GALNTL6: variants seen among roughly 807,000 people sequenced by gnomAD.
GALNTL6 encodes polypeptide N-acetylgalactosaminyltransferase like 6, also known as polypeptide N-acetylgalactosaminyltransferase-like 6.
GALNTL6 carries 46 observed loss-of-function variants against 73.7 expected under a neutral mutation model. The ratio of observed to expected loss-of-function variants is 0.62; its 90% confidence interval spans 0.49 to 0.80. The LOEUF is 0.80. Among genes scored for constraint, GALNTL6 ranks in the 30% least tolerant of loss-of-function variants. GALNTL6 has a pLI of 0.00. For synonymous variants in GALNTL6, 259 were observed against 263.7 expected (o/e 0.98, Z 0.17); for missense variants, 604 against 755.0 (o/e 0.80, Z 2.34).
intron 4 of GALNTL6, among the ~76,000 whole-genome samples, chr4:172,334,061 C>T (rs991249867): frequency 1.3e-5 from 2 of 152,106 alleles, no homozygotes; most frequent in Non-Finnish European, 2.9e-5. Flanking sequence ...TATTTTTATA[C>T]CAATACCAGT....
At chr4:172,999,767 T>TTA (rs35127229) in intron 10 of GALNTL6, among the ~76,000 whole-genome samples, 5 of 148,002 alleles carry the variant, frequency 3.4e-5, no homozygotes, top group African/African-American at 1.2e-4. Flanking sequence ...TGAATACATA[T>TTA]TATATATATA....
chr4:172,892,460 T>C (rs924886435), intron 8 of GALNTL6, among the ~76,000 whole-genome samples: 1 of 152,122 alleles, frequency 6.6e-6, no homozygotes, highest in Non-Finnish European at 1.5e-5. Context: ...TCACAGGTGT[T>C]GGGTGTTGAA....
At chr4:172,558,651 G>A (rs891573473) in intron 5 of GALNTL6, among the ~76,000 whole-genome samples, 1 of 152,110 alleles carries the variant, frequency 6.6e-6, no homozygotes, top group Non-Finnish European at 1.5e-5. Context: ...TTAAGCCACC[G>A]AGTCTGTGCT....
intron 3 of GALNTL6, among the ~76,000 whole-genome samples, chr4:172,270,729 T>TGATAGATAGATA (rs34612752): frequency 1.7e-4 from 26 of 151,700 alleles, no homozygotes; most frequent in East Asian, 5.9e-4. Context: ...GGTAGGTAGA[T>TGATAGATAGATA]GATAGATAGA....
At position 172,091,472 on chromosome 4, in the gene GALNTL6, T is replaced by C. The variant is rs184185578; in HGVS notation, c.139-138184T>C. Among the ~76,000 whole-genome samples, 311 of 152,252 alleles carry C rather than the reference T, an allele frequency of 2.0e-3. 1 individual carries two copies. Among genetic ancestry groups the C allele is most frequent in the African/African-American group, 7.0e-3 (291 of 41,566 alleles). ...CAGGAAGTGACATTCTTTACCCAAC[T>C]CTAAGACAACCATGTGAGTCATACA... On this transcript the variant is annotated intron_variant, in intron 2 of 12. Coordinates refer to ENST00000506823, the MANE Select transcript of GALNTL6 (RefSeq NM_001034845.3).
At chr4:172,141,577 C>T (rs921279476) in intron 2 of GALNTL6, among the ~76,000 whole-genome samples, 4 of 151,692 alleles carry the variant, frequency 2.6e-5, no homozygotes, top group African/African-American at 7.3e-5. Flanking sequence ...TAAGAATACT[C>T]CTTATTTTAA....
chr4:172,260,263 G>GATTTCT (rs1192238703), intron 3 of GALNTL6, among the ~76,000 whole-genome samples: 1 of 151,566 alleles, frequency 6.6e-6, no homozygotes, highest in African/African-American at 2.4e-5. Context: ...TGTCATCTGT[G>GATTTCT]ATTTCTTTCA....
At chr4:172,015,168 T>G (rs1228061012) in intron 2 of GALNTL6, among the ~76,000 whole-genome samples, 2 of 152,126 alleles carry the variant, frequency 1.3e-5, no homozygotes, top group Non-Finnish European at 2.9e-5. Flanking sequence ...TCCTCCACTA[T>G]TATTGTGGTG....
chr4:172,735,898 C>T lies in GALNTL6; in HGVS notation c.554-73463C>T, dbSNP rs948164375. On this transcript the variant is annotated intron_variant, in intron 5 of 12. Coordinates refer to ENST00000506823, the MANE Select transcript of GALNTL6 (RefSeq NM_001034845.3). ...GGTCTCCAGGGGTGACATCACATGT[C>T]GGCAGGTTCCGTGATGCCCCTTGAG... Among the ~76,000 whole-genome samples the T allele has an allele frequency of 2.2e-4, 33 of 152,080 alleles. 1 individual carries two copies. The highest frequency in any genetic ancestry group is 3.4e-4 in the Non-Finnish European group (23 of 68,022).
intron 5 of GALNTL6, among the ~76,000 whole-genome samples, chr4:172,635,875 T>C (rs757943096): frequency 1.2e-4 from 19 of 152,232 alleles, no homozygotes; most frequent in Non-Finnish European, 1.3e-4. Flanking sequence ...CATATTTGGC[T>C]TCATCCACTA....
intron 5 of GALNTL6, among the ~76,000 whole-genome samples, chr4:172,555,806 C>A (rs1019288232): frequency 2.0e-5 from 3 of 151,990 alleles, no homozygotes; most frequent in Non-Finnish European, 4.4e-5. Context: ...GTAACTCTTT[C>A]TACATTAGTG....
intron 5 of GALNTL6, among the ~76,000 whole-genome samples, chr4:172,442,912 GC>G (rs1554024585): frequency 6.6e-6 from 1 of 151,722 alleles, no homozygotes; most frequent in Non-Finnish European, 1.5e-5. Flanking sequence ...TCACAAGGAA[GC>G]TTTGCAAGCT....
intron 3 of GALNTL6, among the ~76,000 whole-genome samples, chr4:172,251,085 G>A (rs1226018078): frequency 1.3e-5 from 2 of 152,126 alleles, no homozygotes; most frequent in African/African-American, 4.8e-5. Context: ...TATATGGAGA[G>A]ATTTATTGTA....
At chr4:172,000,109 AAAC>A (rs1162043663) in intron 2 of GALNTL6, among the ~76,000 whole-genome samples, 1 of 152,180 alleles carries the variant, frequency 6.6e-6, no homozygotes, top group Admixed American at 6.6e-5. Flanking sequence ...AGAAAACATG[AAAC>A]AATATTCAGT....
intron 5 of GALNTL6, among the ~76,000 whole-genome samples, chr4:172,470,900 C>G (rs1733022264): frequency 6.6e-6 from 1 of 152,140 alleles, no homozygotes; most frequent in Non-Finnish European, 1.5e-5. Context: ...AGAAGGTCCC[C>G]TGGGATCCTC....
chr4:172,646,169 T>A (rs1157271592), intron 5 of GALNTL6, among the ~76,000 whole-genome samples: 1 of 152,044 alleles, frequency 6.6e-6, no homozygotes, highest in East Asian at 1.9e-4. Context: ...TTCTAAAAGA[T>A]TGTCAGGTCC....
rs115982202 is a variant in GALNTL6, at chr4:172,400,755, C to T, written c.553+52066C>T. Among the ~76,000 whole-genome samples the T allele has an allele frequency of 8.0e-3, 1,217 of 152,094 alleles. 13 individuals carry two copies. The highest frequency in any genetic ancestry group is 0.028 in the African/African-American group (1,148 of 41,504). The stretch of plus-strand genomic sequence containing the variant: ...ACAGAAGGTTAGAGAGGAAAGCCGA[C>T]GATGTAAGAGCCCAGCATGAGGGAT... On this transcript the variant is annotated intron_variant, in intron 5 of 12. Coordinates refer to ENST00000506823, the MANE Select transcript of GALNTL6 (RefSeq NM_001034845.3).
rs1487955882 is a variant in GALNTL6 at position 172,505,258 on chromosome 4, A to G, written c.553+156569A>G. Among the ~76,000 whole-genome samples, 58 of 55,306 alleles carry G rather than the reference A, an allele frequency of 1.0e-3. 20 individuals carry two copies. The highest frequency in any genetic ancestry group is 2.3e-3 in the African/African-American group (52 of 22,238). 36.3% of individuals were successfully genotyped at this position (55,306 alleles called of 152,430 possible). A position where few individuals can be genotyped will look rare whatever the true frequency, so the allele number is the denominator to read the frequency against. On this transcript the variant is annotated intron_variant, in intron 5 of 12. Coordinates refer to ENST00000506823, the MANE Select transcript of GALNTL6 (RefSeq NM_001034845.3). ...GGTGAGATTTGGGTTCCAACACTTC[A>G]AGGAAACTCTTGCATAGATTCATTT...
At chr4:171,884,318 G>C (rs1736548743) in intron 2 of GALNTL6, among the ~76,000 whole-genome samples, 1 of 152,084 alleles carries the variant, frequency 6.6e-6, no homozygotes, top group Admixed American at 6.6e-5. Context: ...AAGAAAAGTA[G>C]TATTTATTAC....
Sources: allele counts gnomAD v4.1 joint callset (sites outside exome capture counted in the v4.1 genomes callset), GRCh38; gene constraint gnomAD v4.1.1; transcripts MANE v1.5; gene names NCBI Gene and HGNC (gene_info 2026-07-23, HGNC 2026-07-21).